The following CPNE7 variants were observed in gnomAD, a reference collection of about 807,000 sequenced individuals.
CPNE7 encodes copine-7.
In CPNE7, 78 loss-of-function variants were observed where a neutral mutation model predicts 66.5. The observed-to-expected ratio is 1.17, with a 90% CI of 0.98 to 1.42. CPNE7 has a LOEUF of 1.42. Ranked by LOEUF, CPNE7 falls within the 40% of genes most tolerant of loss-of-function variation. The pLI is 0.00. For missense variants in CPNE7, 1,012 were observed against 776.6 expected, an observed-to-expected ratio of 1.30 and a Z score of -3.60; for synonymous variants, 468 against 336.7, an observed-to-expected ratio of 1.39 and a Z score of -4.27.
chr16:89,590,888 G>T, intron 11 of CPNE7, 119 bp from the exon 12 acceptor site: 1 of 999,192 alleles, frequency 1.0e-6, no homozygotes, highest in East Asian at 3.0e-5. Context: ...GGGGACGGGG[G>T]GAGCAGCTGA....
In CPNE7 at chr16:89,596,560, G is replaced by A. The variant is rs1433475659; in HGVS notation, c.1616G>A (p.Gly539Asp). 1.2e-6 allele frequency: 2 copies of A among 1,609,230 alleles called. No homozygotes were observed. The highest frequency in any genetic ancestry group is 1.7e-5 in the Admixed American group (1 of 59,968). The change falls in exon 15 of 15, where the codon GGC becomes GAC. Residue 539 changes from glycine (G) to aspartate (D), a missense_variant. Physicochemically the swap from Gly to Asp is moderately conservative, Grantham distance 94 (BLOSUM62 -1). Coordinates refer to ENST00000319518, the MANE Select transcript of CPNE7 (RefSeq NM_153636.3). ...GTGGTGGAGTACTACAGCCACAGAG[G>A]CCTGCCCCCGAGAAGCCTGGGTGTC... is the stretch of plus-strand genomic sequence containing the variant. ...KQVVEYYSHR[G>D]LPPRSLGVPA...
intron 2 of CPNE7, chr16:89,583,437 T>C: frequency 1.3e-6 from 2 of 1,549,852 alleles, no homozygotes; most frequent in South Asian, 1.2e-5. Context: ...CCTCACCTGG[T>C]AAATAGGTAT....
rs1346916172 is a variant in CPNE7 at position 89,583,705 on chromosome 16, C to T, written c.366C>T (p.Ala122=). Residue 122 remains alanine, a synonymous_variant, in exon 3 of 15, where the codon GCC becomes GCT. Transcript: ENST00000319518. The stretch of plus-strand genomic sequence containing the variant: ...ACGCCTCTGACTTACAGATTGTGGC[C>T]CAGAAGAAGGTGACCCGCCCGCTGC... The part of the protein sequence containing the change: ...GMECTLGQIV[A]QKKVTRPLLL... The T allele has an allele frequency of 6.2e-7, 1 of 1,612,754 alleles. No homozygotes were observed. Among genetic ancestry groups the T allele is most frequent in the Admixed American group, 1.7e-5 (1 of 60,022 alleles).
chr16:89,588,951 T>C (rs1033120081), intron 10 of CPNE7, 143 bp downstream of exon 10: 1 of 987,116 alleles, frequency 1.0e-6, no homozygotes, highest in Non-Finnish European at 1.5e-6. Context: ...CCCCCTGGGC[T>C]CCAGGTCAGG....
intron 9 of CPNE7, 133 bp from the exon 10 acceptor site, chr16:89,588,542 C>T (rs1346685517): frequency 2.8e-6 from 3 of 1,077,382 alleles, no homozygotes; most frequent in Non-Finnish European, 4.0e-6. Flanking sequence ...CCAACAGCAG[C>T]CCCCCAGCCC....
chr16:89,596,380 C>G, intron 14 of CPNE7, 104 bp from the exon 15 acceptor site: 2 of 1,460,626 alleles, frequency 1.4e-6, no homozygotes, highest in South Asian at 1.4e-5. Flanking sequence ...TGGGTAGTCA[C>G]CACTCGGCTC....
Position 89,595,618 on chromosome 16 carries a change from G to T in CPNE7, c.1539+15G>T, listed in dbSNP as rs752712176. 8 of 1,591,036 alleles carry T rather than the reference G, an allele frequency of 5.0e-6. No homozygotes were observed. In the African/African-American group the frequency reaches 5.4e-5, roughly 11 times the overall value. On this transcript the variant is annotated intron_variant, in intron 14 of 14. Coordinates refer to ENST00000319518, the MANE Select transcript of CPNE7 (RefSeq NM_153636.3). ...AGCTCAAGAACGTGAGTGTCCTGGAGGGGCTCCGTCAAGGCCGGCTTGGGG... is the reference window on the plus strand; with the variant it reads ...AGCTCAAGAACGTGAGTGTCCTGGATGGGCTCCGTCAAGGCCGGCTTGGGG...
Position 89,584,642 on chromosome 16 carries a change from G to A in CPNE7, c.508-132G>A. 1.4e-6 allele frequency: 1 copy of A among 690,950 alleles called. No individual in the cohort carries two copies. Among genetic ancestry groups the A allele is most frequent in the Non-Finnish European group, 2.5e-6 (1 of 393,378 alleles). The allele number at this position is 690,950 out of a possible 1,614,324, so 42.8% of individuals were successfully genotyped here. On this transcript the variant is annotated intron_variant, in intron 4 of 14. Coordinates refer to ENST00000319518, the MANE Select transcript of CPNE7 (RefSeq NM_153636.3). The surrounding 1 kb of genome is among the most constrained non-coding windows in gnomAD (Gnocchi z 6.0). Reference sequence around the variant, plus strand: ...GACGAGATGCTGTCGGCGGGGACTGGCTGCCTCGTTTTGTGCCTGAGGAAT... The same window carrying A: ...GACGAGATGCTGTCGGCGGGGACTGACTGCCTCGTTTTGTGCCTGAGGAAT...
At chr16:89,580,893 CGGAACATCCCATCACCCGTCACAT>C (rs1567953398) in intron 2 of CPNE7, among the ~76,000 whole-genome samples, 10 of 133,648 alleles carry the variant, frequency 7.5e-5, no homozygotes. Flanking sequence ...ACCCGTCACA[CGGAACATCCCATCACCCGTCACAT>C]GGAACATCTC....
Position 89,584,655 on chromosome 16 carries a change from G to T in CPNE7, c.508-119G>T. The T allele has an allele frequency of 1.3e-6, 1 of 743,552 alleles. No homozygotes were observed. The highest frequency in any genetic ancestry group is 2.3e-6 in the Non-Finnish European group (1 of 433,240). 46.1% of individuals were successfully genotyped at this position (743,552 alleles called of 1,614,324 possible). ...CGGCGGGGACTGGCTGCCTCGTTTT[G>T]TGCCTGAGGAATTAGCGGCTGGTGG... is the stretch of plus-strand genomic sequence containing the variant. On this transcript the variant is annotated intron_variant, in intron 4 of 14. Transcript: ENST00000319518. The surrounding 1 kb of genome is among the most constrained non-coding windows in gnomAD (Gnocchi z 6.0).
rs373882541 is a variant in CPNE7 at position 89,580,124 on chromosome 16, C to G, written c.357+2403C>G. On this transcript the variant is annotated intron_variant, in intron 2 of 14. Coordinates refer to ENST00000319518, the MANE Select transcript of CPNE7 (RefSeq NM_153636.3). Reference sequence around the variant, plus strand: ...CCATCACACAGAACATCCCGTCACCCGCTGACACAGAACATCTCACCCGTC... The same window carrying G: ...CCATCACACAGAACATCCCGTCACCGGCTGACACAGAACATCTCACCCGTC... 3.7e-5 allele frequency among the ~76,000 whole-genome samples: 2 copies of G among 53,538 alleles called. 1 individual carries two copies. The highest frequency in any genetic ancestry group is 4.4e-4 in the Admixed American group (2 of 4,522). 35.1% of individuals were successfully genotyped at this position (53,538 alleles called of 152,430 possible).
At chr16:89,576,324 G>C (rs2058859041) in intron 1 of CPNE7, among the ~76,000 whole-genome samples, 1 of 152,070 alleles carries the variant, frequency 6.6e-6, no homozygotes, top group African/African-American at 2.4e-5. Context: ...GTGCCCCGCA[G>C]TGAGGGGTGC....
chr16:89,577,711 C>A lies in CPNE7; in HGVS notation c.347C>A (p.Thr116Asn). The A allele has an allele frequency of 6.3e-7, 1 of 1,594,162 alleles. No homozygotes were observed. The highest frequency in any genetic ancestry group is 8.5e-7 in the Non-Finnish European group (1 of 1,170,742). Residue 116 changes from threonine (T) to asparagine (N), a missense_variant, in exon 2 of 15, where the codon ACC becomes AAC. Physicochemically the swap from Thr to Asn is moderately conservative, Grantham distance 65. Coordinates refer to ENST00000319518, the MANE Select transcript of CPNE7 (RefSeq NM_153636.3). ...EDDFLGGMEC[T>N]LGQIVAQKKV... Reference sequence around the variant, plus strand: ...GATTTCCTGGGGGGCATGGAGTGCACCCTGGGGCAGGTGGGTGCCCCGTCC... The same window carrying A: ...GATTTCCTGGGGGGCATGGAGTGCAACCTGGGGCAGGTGGGTGCCCCGTCC...
Position 89,584,632 on chromosome 16 carries a change from GC to G in CPNE7, c.508-141del. ...GGGAGGGAGGGACGAGATGCTGTCG[GC>G]GGGGACTGGCTGCCTCGTTTTGTGC... On this transcript the variant is annotated intron_variant, in intron 4 of 14. Transcript: ENST00000319518. This position sits in a 1 kb window ranked among gnomAD's most constrained non-coding sequence, Gnocchi z 6.0. 1 of 667,814 alleles carries G rather than the reference GC, an allele frequency of 1.5e-6. No individual in the cohort carries two copies. Among genetic ancestry groups the G allele is most frequent in the East Asian group, 2.7e-5 (1 of 36,676 alleles). 41.4% of individuals were successfully genotyped at this position (667,814 alleles called of 1,614,324 possible). A position where few individuals can be genotyped will look rare whatever the true frequency, so the allele number is the denominator to read the frequency against.
intron 5 of CPNE7, among the ~76,000 whole-genome samples, 156 bp downstream of exon 5, chr16:89,585,013 C>T (rs766832730): frequency 2.6e-5 from 4 of 151,952 alleles, no homozygotes; most frequent in Non-Finnish European, 4.4e-5. Context: ...AACAGGGAGC[C>T]GCAGGCGCAG....
chr16:89,576,256 TG>T (rs545216071), intron 1 of CPNE7, among the ~76,000 whole-genome samples, 185 bp downstream of exon 1: 132 of 137,186 alleles, frequency 9.6e-4, no homozygotes, highest in Non-Finnish European at 1.5e-3. Flanking sequence ...TCCAGAGCTG[TG>T]GGGAGAGGCT....
rs763575777 is a variant in CPNE7 at position 89,595,469 on chromosome 16, A to C, written c.1405A>C (p.Ile469Leu). ...RASRLPMSII[I>L]VGVGNADFTD... ...CTCACGCCTGCCCATGTCCATCATC[A>C]TCGTGGGCGTGGGCAACGCCGACTT... The change falls in exon 14 of 15, where the codon ATC becomes CTC. Residue 469 changes from isoleucine to leucine, a missense_variant. Ile to Leu is a conservative substitution (Grantham distance 5, BLOSUM62 2). Coordinates refer to ENST00000319518, the MANE Select transcript of CPNE7 (RefSeq NM_153636.3). 3.1e-6 allele frequency: 5 copies of C among 1,612,500 alleles called. No individual in the cohort carries two copies. Among genetic ancestry groups the C allele is most frequent in the Non-Finnish European group, 3.4e-6 (4 of 1,179,810 alleles).
Position 89,584,433 on chromosome 16 carries a change from G to A in CPNE7, c.507+331G>A, listed in dbSNP as rs963124339. 6.6e-6 allele frequency among the ~76,000 whole-genome samples: 1 copy of A among 152,204 alleles called. No homozygotes were observed. Among genetic ancestry groups the A allele is most frequent in the African/African-American group, 2.4e-5 (1 of 41,458 alleles). The stretch of plus-strand genomic sequence containing the variant: ...GAACTGGAACAGCGCGCGGTTCTGC[G>A]GGCTCGTCACGTGGGTGGGCAGAAC... On this transcript the variant is annotated intron_variant, in intron 4 of 14. Transcript: ENST00000319518. The surrounding 1 kb of genome is among the most constrained non-coding windows in gnomAD (Gnocchi z 6.0).
chr16:89,577,332 G>A (rs538263882), intron 1 of CPNE7, among the ~76,000 whole-genome samples: 1 of 152,312 alleles, frequency 6.6e-6, no homozygotes, highest in East Asian at 1.9e-4. Flanking sequence ...GTGATCTGAG[G>A]GTGGAGCAGA....
Sources: allele counts gnomAD v4.1 joint callset (sites outside exome capture counted in the v4.1 genomes callset), GRCh38; gene constraint gnomAD v4.1.1; non-coding constraint Gnocchi (gnomAD v3.1); transcripts MANE v1.5; gene names NCBI Gene and HGNC (gene_info 2026-07-23, HGNC 2026-07-21).